The following XPR1 variants were observed in gnomAD, a reference collection of about 807,000 sequenced individuals.
XPR1 encodes the protein solute carrier family 53 member 1.
Under a neutral mutation model 87.5 loss-of-function variants are expected in XPR1, and 28 were observed. That is an observed-to-expected ratio of 0.32 (90% confidence interval 0.24 to 0.44). XPR1 has a LOEUF of 0.44. Among genes scored for constraint, XPR1 ranks in the 20% least tolerant of loss-of-function variants. The pLI is 1.00. For missense variants in XPR1, 559 were observed against 862.3 expected, an observed-to-expected ratio of 0.65 and a Z score of 4.41; for synonymous variants, 300 against 306.1, an observed-to-expected ratio of 0.98 and a Z score of 0.21.
intron 11 of XPR1, among the ~76,000 whole-genome samples, chr1:180,843,416 C>T (rs1399628045): frequency 6.6e-6 from 1 of 152,008 alleles, no homozygotes; most frequent in African/African-American, 2.4e-5. Context: ...ATTTCCTAGC[C>T]TAACTAATAA....
At chr1:180,781,987 A>G (rs1255433141) in intron 2 of XPR1, among the ~76,000 whole-genome samples, 5 of 151,982 alleles carry the variant, frequency 3.3e-5, no homozygotes, top group Admixed American at 6.6e-5. Context: ...AGATAAGACA[A>G]TTATAGAGAT....
At chr1:180,873,776 A>T (rs774829778) in intron 12 of XPR1, 27 bp from the exon 13 acceptor site, 10 of 1,609,032 alleles carry the variant, frequency 6.2e-6, no homozygotes, top group Non-Finnish European at 8.5e-6. Flanking sequence ...GATAGAAAAC[A>T]TACTCAATTT....
rs946288026 is a variant in XPR1 at position 180,887,816 on chromosome 1, A to T, written c.*3750A>T. The T allele has an allele frequency of 1.3e-5, 2 of 152,242 alleles. No homozygotes were observed. Among genetic ancestry groups the T allele is most frequent in the Non-Finnish European group, 2.9e-5 (2 of 68,048 alleles). 9.4% of individuals were successfully genotyped at this position (152,242 alleles called of 1,614,324 possible). A position where few individuals can be genotyped will look rare whatever the true frequency, so the allele number is the denominator to read the frequency against. ...GCTCTTTACCAGAAGTAACGTGTTG[A>T]TGTATATTATCTTTCCACCATGCTT... On this transcript the variant is annotated 3_prime_UTR_variant, in exon 15 of 15. Transcript: ENST00000367590.
At chr1:180,730,640 A>G (rs12733315) in intron 2 of XPR1, among the ~76,000 whole-genome samples, 52,782 of 151,866 alleles carry the variant, frequency 0.35, 9,586 homozygotes, top group Non-Finnish European at 0.39. Flanking sequence ...CCTTTTGGCA[A>G]ATTTTTCCCC....
At chr1:180,656,396 TATAA>T (rs1357787971) in intron 1 of XPR1, among the ~76,000 whole-genome samples, 1 of 53,118 alleles carries the variant, frequency 1.9e-5, no homozygotes, top group Non-Finnish European at 3.2e-5. Context: ...TGTATTTATA[TATAA>T]ATATTTATAT....
At position 180,656,569 on chromosome 1, in the gene XPR1, T is replaced by TATTATATATAATA. The variant is rs1491385734; in HGVS notation, c.69+24299_69+24300insATTATATATAATA. 3.5e-3 allele frequency among the ~76,000 whole-genome samples: 154 copies of TATTATATATAATA among 44,526 alleles called. 1 individual carries two copies. The highest frequency in any genetic ancestry group is 5.8e-3 in the Non-Finnish European group (121 of 20,696). The allele number at this position is 44,526 out of a possible 152,430, so 29.2% of individuals were successfully genotyped here. A position where few individuals can be genotyped will look rare whatever the true frequency, so the allele number is the denominator to read the frequency against. ...TATATATTTATATGTATAATATATA[T>TATTATATATAATA]TTTATATATGTATGTATAATATATA... On this transcript the variant is annotated intron_variant, in intron 1 of 14. Transcript: ENST00000367590.
At chr1:180,788,933 AT>A (rs1163993117) in intron 3 of XPR1, among the ~76,000 whole-genome samples, 31 of 152,304 alleles carry the variant, frequency 2.0e-4, no homozygotes, top group African/African-American at 7.0e-4. Flanking sequence ...TTCTGGAAGC[AT>A]CTTACTCAGA....
intron 1 of XPR1, among the ~76,000 whole-genome samples, chr1:180,674,303 G>C (rs2101934656): frequency 6.6e-6 from 1 of 152,328 alleles, no homozygotes; most frequent in East Asian, 1.9e-4. Context: ...GTGTTGCCCA[G>C]GCTGGAGTGC....
At chr1:180,785,193 A>G (rs1649095508) in intron 2 of XPR1, among the ~76,000 whole-genome samples, 1 of 151,932 alleles carries the variant, frequency 6.6e-6, no homozygotes, top group African/African-American at 2.4e-5. Context: ...TCTGTCACCC[A>G]GGCTGGAGTC....
intron 11 of XPR1, among the ~76,000 whole-genome samples, chr1:180,842,341 T>G (rs1264301003): frequency 6.6e-6 from 1 of 152,100 alleles, no homozygotes; most frequent in Non-Finnish European, 1.5e-5. Flanking sequence ...GATGTAAGAG[T>G]AAACCGTGTG....
At chr1:180,783,694 A>T (rs2102083645) in intron 2 of XPR1, among the ~76,000 whole-genome samples, 1 of 152,138 alleles carries the variant, frequency 6.6e-6, no homozygotes, top group South Asian at 2.1e-4. Context: ...GCTTAATGTT[A>T]CATAATATCA....
At chr1:180,860,323 A>G (rs1652178193) in intron 11 of XPR1, among the ~76,000 whole-genome samples, 1 of 152,160 alleles carries the variant, frequency 6.6e-6, no homozygotes, top group Non-Finnish European at 1.5e-5. Context: ...AAAGTTAAAC[A>G]TCCACTTACC....
chr1:180,648,568 A>G (rs1257863993), intron 1 of XPR1, among the ~76,000 whole-genome samples: 2 of 152,146 alleles, frequency 1.3e-5, no homozygotes, highest in Non-Finnish European at 2.9e-5. Context: ...GTGCAGTAGC[A>G]CAGTCTCAGC....
chr1:180,657,789 TA>T (rs1476109775), intron 1 of XPR1, among the ~76,000 whole-genome samples: 10 of 152,340 alleles, frequency 6.6e-5, no homozygotes, highest in Non-Finnish European at 1.2e-4. Context: ...TGGTTTCATA[TA>T]AATTTTAGGA....
chr1:180,760,134 A>G (rs534060119), intron 2 of XPR1, among the ~76,000 whole-genome samples: 4 of 152,338 alleles, frequency 2.6e-5, no homozygotes, highest in South Asian at 4.1e-4. Flanking sequence ...AGAGCTATCT[A>G]TGACATACCC....
At chr1:180,757,490 T>C (rs946169584) in intron 2 of XPR1, among the ~76,000 whole-genome samples, 1 of 148,882 alleles carries the variant, frequency 6.7e-6, no homozygotes, top group Non-Finnish European at 1.5e-5. Flanking sequence ...TCAAAGAAGA[T>C]GGAAAGTTAC....
chr1:180,751,615 A>G (rs1215967223), intron 2 of XPR1, among the ~76,000 whole-genome samples: 1 of 152,142 alleles, frequency 6.6e-6, no homozygotes, highest in Non-Finnish European at 1.5e-5. Flanking sequence ...TTTATAAATA[A>G]AATCACAATA....
intron 2 of XPR1, among the ~76,000 whole-genome samples, chr1:180,704,035 A>AT (rs980698115): frequency 4.0e-5 from 6 of 150,590 alleles, no homozygotes; most frequent in Admixed American, 2.6e-4. Context: ...TGTTGTTGTT[A>AT]TTTTTTGATG....
At position 180,836,772 on chromosome 1, in the gene XPR1, ACT is replaced by A. The variant is rs1651310282; in HGVS notation, c.1501+59_1501+60del. The A allele has an allele frequency of 4.4e-6, 7 of 1,573,890 alleles. No homozygotes were observed. The East Asian group carries it at 1.6e-4, about 35-fold the overall frequency. Reference sequence around the variant, plus strand: ...TTTAAACCTGGATTTTTACTACCTGACTCTATTTCTTACTCTGGCTACTTTTC... The same window carrying A: ...TTTAAACCTGGATTTTTACTACCTGACTATTTCTTACTCTGGCTACTTTTC... On this transcript the variant is annotated intron_variant, in intron 11 of 14. Coordinates refer to ENST00000367590, the MANE Select transcript of XPR1 (RefSeq NM_004736.4).
Sources: gnomAD v4.1 joint callset for allele counts (sites outside exome capture counted in the v4.1 genomes callset) on GRCh38, gnomAD v4.1.1 for gene constraint, MANE v1.5 for transcripts, NCBI Gene and HGNC (gene_info 2026-07-23, HGNC 2026-07-21) for gene names.